TAF3: variants seen among roughly 807,000 people sequenced by gnomAD.
TAF3 encodes transcription initiation factor TFIID subunit 3.
A neutral mutation model predicts 80.6 loss-of-function variants in TAF3; 7 were observed. The observed-to-expected ratio is 0.09, with a 90% CI of 0.05 to 0.16. The LOEUF (loss-of-function observed/expected upper bound fraction) is 0.16. Among genes scored for constraint, TAF3 ranks in the 10% least tolerant of loss-of-function variants. TAF3 has a pLI of 1.00. For missense variants in TAF3, 921 were observed against 1,140.2 expected, an observed-to-expected ratio of 0.81 and a Z score of 2.77; for synonymous variants, 444 against 446.1, an observed-to-expected ratio of 1.00 and a Z score of 0.06.
Position 7,864,417 on chromosome 10 carries a change from T to C in TAF3, c.409+39857T>C, listed in dbSNP as rs533463811. Among the ~76,000 whole-genome samples the C allele has an allele frequency of 2.0e-5, 3 of 152,340 alleles. No individual in the cohort carries two copies. The South Asian group carries it at 6.2e-4, about 32-fold the overall frequency. On this transcript the variant is annotated intron_variant, in intron 2 of 6. Transcript: ENST00000344293. ...ACTCTAACAAATGCATTGTGTCACA[T>C]AGTTAACTCTTTGTGGTAAGGGCAC...
intron 2 of TAF3, among the ~76,000 whole-genome samples, chr10:7,854,958 C>T (rs1251591212): frequency 6.6e-6 from 1 of 152,140 alleles, no homozygotes; most frequent in Non-Finnish European, 1.5e-5. Context: ...TATGTATTCA[C>T]CTAAGCTCCC....
intron 2 of TAF3, among the ~76,000 whole-genome samples, chr10:7,854,680 T>C (rs1406979480): frequency 6.6e-6 from 1 of 151,552 alleles, no homozygotes; most frequent in African/African-American, 2.4e-5. Flanking sequence ...GAGGGGAGCT[T>C]CACTAGGAAA....
At chr10:7,863,738 T>TATATATATACAC (rs1837180178) in intron 2 of TAF3, among the ~76,000 whole-genome samples, 2 of 124,996 alleles carry the variant, frequency 1.6e-5, no homozygotes, top group African/African-American at 3.0e-5. Flanking sequence ...TATATACACA[T>TATATATATACAC]ATATATATAC....
At chr10:7,822,470 A>T (rs1836699813) in intron 1 of TAF3, among the ~76,000 whole-genome samples, 1 of 147,494 alleles carries the variant, frequency 6.8e-6, no homozygotes. Flanking sequence ...TGCATCACAG[A>T]AGTAACCCAT....
At chr10:7,993,434 C>T (rs984722298) in intron 4 of TAF3, among the ~76,000 whole-genome samples, 1 of 152,218 alleles carries the variant, frequency 6.6e-6, no homozygotes, top group Non-Finnish European at 1.5e-5. Context: ...CTGCCTCAGC[C>T]TCCCGAATTG....
At chr10:7,993,170 G>A (rs543255317) in intron 4 of TAF3, among the ~76,000 whole-genome samples, 2 of 151,982 alleles carry the variant, frequency 1.3e-5, no homozygotes, top group East Asian at 1.9e-4. Flanking sequence ...ACACTCCTAC[G>A]CTCCTCCTCC....
Position 7,964,000 on chromosome 10 carries a change from T to C in TAF3, c.490T>C (p.Leu164=). The part of the protein sequence containing the change: ...MQVPLEEDDE[L]EEEEIINDEN... ...GGTTCCCTTGGAAGAAGATGATGAA[T>C]TGGAGGAGGAAGAAATTATTAATGA... Residue 164 remains leucine (L), a synonymous_variant, in exon 3 of 7, where the codon TTG becomes CTG. Transcript: ENST00000344293. The C allele has an allele frequency of 1.9e-6, 3 of 1,613,978 alleles. No homozygotes were observed. The highest frequency in any genetic ancestry group is 1.3e-5 in the African/African-American group (1 of 74,988).
chr10:7,881,464 G>T (rs1837360782), intron 2 of TAF3, among the ~76,000 whole-genome samples: 1 of 147,232 alleles, frequency 6.8e-6, no homozygotes, highest in Admixed American at 7.0e-5. Context: ...AAAGACATTT[G>T]TCTCTCAGAC....
At position 7,989,862 on chromosome 10, in the gene TAF3, C is replaced by T. The variant is rs963935147; in HGVS notation, c.2315+12539C>T. On this transcript the variant is annotated intron_variant, in intron 4 of 6. Transcript: ENST00000344293. ...TGGCCAAAGTTTGGAGCATAATGTT[C>T]CTGGTATATGTATGTCAACTCTGGC... 5.3e-5 allele frequency among the ~76,000 whole-genome samples: 8 copies of T among 152,200 alleles called. No individual in the cohort carries two copies. The South Asian group carries it at 1.7e-3, about 32-fold the overall frequency.
intron 2 of TAF3, among the ~76,000 whole-genome samples, chr10:7,914,062 T>G (rs1403674906): frequency 6.6e-6 from 1 of 152,220 alleles, no homozygotes; most frequent in African/African-American, 2.4e-5. Context: ...AGATACCGAT[T>G]CAAAGAAACT....
In TAF3 at chr10:7,891,905, C is replaced by T. The variant is rs548570173; in HGVS notation, c.409+67345C>T. 5.9e-5 allele frequency among the ~76,000 whole-genome samples: 9 copies of T among 152,282 alleles called. No individual in the cohort carries two copies. The South Asian group carries it at 1.9e-3, about 32-fold the overall frequency. ...ATTGCCAATATAAATGGAGTATCTA[C>T]TTTGCTTGTTAACTCAAGTACAATA... On this transcript the variant is annotated intron_variant, in intron 2 of 6. Transcript: ENST00000344293.
chr10:7,898,397 T>A (rs989312438), intron 2 of TAF3, among the ~76,000 whole-genome samples: 1 of 151,918 alleles, frequency 6.6e-6, no homozygotes, highest in Admixed American at 6.6e-5. Flanking sequence ...AATACAAAAA[T>A]TAGCTGGGCA....
chr10:7,930,611 T>C (rs1837859154), intron 2 of TAF3, among the ~76,000 whole-genome samples: 1 of 152,216 alleles, frequency 6.6e-6, no homozygotes. Flanking sequence ...ATTTATTTTA[T>C]GTTGGACACT....
At position 8,016,303 on chromosome 10, in the gene TAF3, A is replaced by G. The variant is rs1303995823; in HGVS notation, c.*1552A>G. ...ATGCCAAGTAAATTGATATTAGTGTATGAATTAGTCATATTTTAAAACATT... is the reference window on the plus strand; with the variant it reads ...ATGCCAAGTAAATTGATATTAGTGTGTGAATTAGTCATATTTTAAAACATT... On this transcript the variant is annotated 3_prime_UTR_variant, in exon 7 of 7. Transcript: ENST00000344293. 1 of 152,168 alleles carries G rather than the reference A, an allele frequency of 6.6e-6. No homozygotes were observed. The allele number at this position is 152,168 out of a possible 1,614,324, so 9.4% of individuals were successfully genotyped here.
chr10:8,014,999 C>T lies in TAF3; in HGVS notation c.*248C>T, dbSNP rs745795693. ...GAGGCGTGGCCTGGGGGCTGCCCCT[C>T]CTCCACTTCTCTAATACCAGTGACA... On this transcript the variant is annotated 3_prime_UTR_variant, in exon 7 of 7. Transcript: ENST00000344293. 148 of 362,502 alleles carry T rather than the reference C, an allele frequency of 4.1e-4. No individual in the cohort carries two copies. Among genetic ancestry groups the T allele is most frequent in the Non-Finnish European group, 6.1e-4 (119 of 195,854 alleles). 22.5% of individuals were successfully genotyped at this position (362,502 alleles called of 1,614,324 possible). A position where few individuals can be genotyped will look rare whatever the true frequency, so the allele number is the denominator to read the frequency against.
intron 2 of TAF3, among the ~76,000 whole-genome samples, chr10:7,908,255 G>T (rs932051786): frequency 6.6e-6 from 1 of 152,138 alleles, no homozygotes; most frequent in Non-Finnish European, 1.5e-5. Flanking sequence ...GGGGATCTTT[G>T]AACTGGAGGG....
At chr10:7,926,125 A>C (rs951530923) in intron 2 of TAF3, among the ~76,000 whole-genome samples, 3 of 152,164 alleles carry the variant, frequency 2.0e-5, no homozygotes, top group African/African-American at 4.8e-5. Context: ...AAAAAAATTA[A>C]CTTTTGATGT....
intron 2 of TAF3, among the ~76,000 whole-genome samples, chr10:7,868,003 G>A (rs921976964): frequency 2.0e-5 from 3 of 152,060 alleles, no homozygotes. Context: ...TGTATTTCCT[G>A]GTCATTGAGT....
chr10:7,981,156 G>T (rs1432365387), intron 4 of TAF3, among the ~76,000 whole-genome samples: 1 of 152,164 alleles, frequency 6.6e-6, no homozygotes, highest in Admixed American at 6.5e-5. Flanking sequence ...ATAAAGATTT[G>T]GGGCTGAATA....
Sources: gnomAD v4.1 joint callset for allele counts (sites outside exome capture counted in the v4.1 genomes callset) on GRCh38, gnomAD v4.1.1 for gene constraint, MANE v1.5 for transcripts, NCBI Gene and HGNC (gene_info 2026-07-23, HGNC 2026-07-21) for gene names.